Variants in PIGF observed in about 807,000 individuals in gnomAD.
PIGF encodes GPI ethanolamine phosphate transferase, stabilizing subunit.
Under a neutral mutation model 26.0 loss-of-function variants are expected in PIGF, and 23 were observed. The ratio of observed to expected loss-of-function variants is 0.88; its 90% CI spans 0.64 to 1.25. The LOEUF is 1.25. Ranked by LOEUF, PIGF falls within the 50% of genes most tolerant of loss-of-function variation. PIGF has a pLI of 0.00. For synonymous variants in PIGF, 93 were observed against 92.6 expected (o/e 1.00, Z -0.03); for missense variants, 278 against 249.9 (o/e 1.11, Z -0.76).
intron 5 of PIGF, among the ~76,000 whole-genome samples, chr2:46,584,979 G>T (rs1669522839): frequency 6.6e-6 from 1 of 152,020 alleles, no homozygotes; most frequent in Non-Finnish European, 1.5e-5. Flanking sequence ...GCTTAATCAG[G>T]TATTTTCATA....
rs1669638854 is a variant in PIGF, at chr2:46,588,283, C to T, written c.546+4192G>A. 7.1e-7 allele frequency: 1 copy of T among 1,404,596 alleles called. No individual in the cohort carries two copies. Among genetic ancestry groups the T allele is most frequent in the Admixed American group, 2.3e-5 (1 of 43,570 alleles). 87.0% of individuals were successfully genotyped at this position (1,404,596 alleles called of 1,614,324 possible). ...ATAAATTAACAGTCCACTCTACCAA[C>T]TGAAAGACTGCTGGGCAGAAAAAAT... On this transcript the variant is annotated intron_variant, in intron 5 of 5. Transcript: ENST00000281382. This position sits in a 1 kb window ranked among gnomAD's most constrained non-coding sequence, Gnocchi z 4.1.
At chr2:46,603,676 C>T (rs1670129988) in intron 4 of PIGF, among the ~76,000 whole-genome samples, 1 of 151,938 alleles carries the variant, frequency 6.6e-6, no homozygotes, top group Admixed American at 6.6e-5. Flanking sequence ...GAAACTAGAC[C>T]CCTAACTCTC....
intron 4 of PIGF, among the ~76,000 whole-genome samples, chr2:46,595,753 C>G (rs955992011): frequency 6.6e-6 from 1 of 152,170 alleles, no homozygotes; most frequent in Non-Finnish European, 1.5e-5. Flanking sequence ...TTTCCACACC[C>G]TCCTGACACT....
intron 3 of PIGF, among the ~76,000 whole-genome samples, chr2:46,613,197 T>G (rs932831198): frequency 1.3e-5 from 2 of 152,114 alleles, no homozygotes; most frequent in Non-Finnish European, 2.9e-5. Context: ...GAAACATTCA[T>G]GAATTTTGTT....
At chr2:46,611,132 T>C (rs1670401134) in intron 4 of PIGF, among the ~76,000 whole-genome samples, 1 of 152,142 alleles carries the variant, frequency 6.6e-6, no homozygotes, top group Non-Finnish European at 1.5e-5. Context: ...ATTTACACAT[T>C]TGTAATCTGA....
chr2:46,614,859 C>A, intron 2 of PIGF, 78 bp downstream of exon 2: 1 of 689,606 alleles, frequency 1.5e-6, no homozygotes. Context: ...CTAATAAAGA[C>A]TTGATGAATA....
chr2:46,598,664 G>A (rs993766513), intron 4 of PIGF, among the ~76,000 whole-genome samples: 2 of 151,014 alleles, frequency 1.3e-5, no homozygotes, highest in Non-Finnish European at 2.9e-5. Flanking sequence ...TGTAGTGGTT[G>A]CCTGGGCCAT....
At chr2:46,613,873 C>A in intron 2 of PIGF, 88 bp from the exon 3 acceptor site, 1 of 1,119,200 alleles carries the variant, frequency 8.9e-7, no homozygotes, top group Non-Finnish European at 1.3e-6. Context: ...ACAACTTGTT[C>A]CCATAATGTG....
chr2:46,600,617 C>A (rs1300061227), intron 4 of PIGF, among the ~76,000 whole-genome samples: 3 of 152,070 alleles, frequency 2.0e-5, no homozygotes, highest in African/African-American at 7.2e-5. Flanking sequence ...AGAGAAACTG[C>A]TGCCATCCCA....
At position 46,609,267 on chromosome 2, in the gene PIGF, G is replaced by C. The variant is rs552494594; in HGVS notation, c.437+2961C>G. On this transcript the variant is annotated intron_variant, in intron 4 of 5. Transcript: ENST00000281382. ...ACTGCTAGTTTCAAACTTTTCTTCTGTAACTTTCTCACCTCTCTCAGCCTT... is the reference window on the plus strand; with the variant it reads ...ACTGCTAGTTTCAAACTTTTCTTCTCTAACTTTCTCACCTCTCTCAGCCTT... Among the ~76,000 whole-genome samples the C allele has an allele frequency of 2.6e-5, 4 of 152,270 alleles. No homozygotes were observed. The South Asian group carries it at 8.3e-4, about 32-fold the overall frequency.
chr2:46,585,027 A>T (rs1205530762), intron 5 of PIGF, among the ~76,000 whole-genome samples: 1 of 152,226 alleles, frequency 6.6e-6, no homozygotes, highest in East Asian at 1.9e-4. Flanking sequence ...CTATTTCCTT[A>T]TCTCACATAC....
At chr2:46,606,323 C>G (rs957299451) in intron 4 of PIGF, among the ~76,000 whole-genome samples, 1 of 152,154 alleles carries the variant, frequency 6.6e-6, no homozygotes, top group African/African-American at 2.4e-5. Context: ...TGTATCTGTG[C>G]CCTCTGACAA....
intron 5 of PIGF, chr2:46,591,863 G>C: frequency 3.8e-6 from 5 of 1,303,452 alleles, no homozygotes; most frequent in Non-Finnish European, 5.1e-6. Context: ...CGAAAAATCT[G>C]ATGTTTGTGA....
intron 4 of PIGF, among the ~76,000 whole-genome samples, chr2:46,606,424 GT>G (rs1174361201): frequency 6.6e-6 from 1 of 151,934 alleles, no homozygotes; most frequent in East Asian, 1.9e-4. Context: ...TTGTTTTGGG[GT>G]TTTTTTCTGT....
chr2:46,591,449 T>A (rs898276590), intron 5 of PIGF: 2 of 595,030 alleles, frequency 3.4e-6, no homozygotes, highest in African/African-American at 4.0e-5. Context: ...ATTATCTTCG[T>A]GATCAGAAAA....
chr2:46,582,272 G>A (rs1172106798), intron 5 of PIGF: 1 of 149,298 alleles, frequency 6.7e-6, no homozygotes, highest in Non-Finnish European at 1.5e-5. Flanking sequence ...TAAGTGAAAG[G>A]CTCTGCTTGA....
At chr2:46,593,848 G>A (rs1182232862) in intron 4 of PIGF, among the ~76,000 whole-genome samples, 5 of 152,132 alleles carry the variant, frequency 3.3e-5, no homozygotes, top group South Asian at 4.1e-4. Flanking sequence ...ATTATTACAC[G>A]CAAAATGTAC....
intron 4 of PIGF, among the ~76,000 whole-genome samples, chr2:46,595,156 C>G (rs1307782569): frequency 6.6e-6 from 1 of 152,098 alleles, no homozygotes; most frequent in Non-Finnish European, 1.5e-5. Flanking sequence ...TTCAAGTATA[C>G]AAATCAATGG....
At chr2:46,586,393 T>C (rs925696603) in intron 5 of PIGF, among the ~76,000 whole-genome samples, 1 of 152,232 alleles carries the variant, frequency 6.6e-6, no homozygotes, top group African/African-American at 2.4e-5. Context: ...GATTAAATTA[T>C]TTAATTTTGG....
Sources: allele counts gnomAD v4.1 joint callset (sites outside exome capture counted in the v4.1 genomes callset), GRCh38; gene constraint gnomAD v4.1.1; non-coding constraint Gnocchi (gnomAD v3.1); transcripts MANE v1.5; gene names NCBI Gene and HGNC (gene_info 2026-07-23, HGNC 2026-07-21).